The following SLC38A4 variants were observed in gnomAD, a reference collection of about 807,000 sequenced individuals.
SLC38A4 encodes the protein solute carrier family 38 member 4, also known as sodium-coupled neutral amino acid transporter 4.
SLC38A4 carries 20 observed loss-of-function variants against 63.1 expected under a neutral mutation model. That is an observed-to-expected ratio of 0.32 (90% CI 0.22 to 0.46). SLC38A4 has a LOEUF of 0.46. Ranked by LOEUF, SLC38A4 falls within the 20% of genes least tolerant of loss-of-function variation. The pLI, the probability that SLC38A4 is intolerant of heterozygous loss-of-function variation, is 1.00. For synonymous variants in SLC38A4, 230 were observed against 225.5 expected, an observed-to-expected ratio of 1.02 and a Z score of -0.18; for missense variants, 526 against 663.6, an observed-to-expected ratio of 0.79 and a Z score of 2.28.
chr12:46,821,257 T>C (rs1161649612), intron 1 of SLC38A4, among the ~76,000 whole-genome samples: 2 of 152,134 alleles, frequency 1.3e-5, no homozygotes, highest in African/African-American at 4.8e-5. Flanking sequence ...AAAAAGTTTT[T>C]CCCTATGTTT....
intron 1 of SLC38A4, among the ~76,000 whole-genome samples, chr12:46,823,153 C>T (rs966984385): frequency 2.0e-5 from 3 of 152,144 alleles, no homozygotes; most frequent in Admixed American, 2.0e-4. Flanking sequence ...TCACACCTTC[C>T]TAATGACTGT....
chr12:46,773,113 C>T (rs1258236400), intron 14 of SLC38A4, among the ~76,000 whole-genome samples: 1 of 152,120 alleles, frequency 6.6e-6, no homozygotes, highest in East Asian at 1.9e-4. Context: ...CTGTCACCTT[C>T]TCTGTGTATC....
chr12:46,779,900 A>G lies in SLC38A4; in HGVS notation c.576-38T>C, dbSNP rs759947515. The G allele has an allele frequency of 8.7e-6, 14 of 1,610,110 alleles. No homozygotes were observed. In the Admixed American group the frequency reaches 2.2e-4, roughly 25 times the overall value. Reference sequence around the variant, plus strand: ...GACAAGGATATTAGAATCAGAAAAGACCAAGTAGAATGAGTCACTTGATGT... The same window carrying G: ...GACAAGGATATTAGAATCAGAAAAGGCCAAGTAGAATGAGTCACTTGATGT... On this transcript the variant is annotated intron_variant, in intron 8 of 16. Coordinates refer to ENST00000266579, the MANE Select transcript of SLC38A4 (RefSeq NM_018018.5).
At chr12:46,802,032 C>T (rs1939141448) in intron 2 of SLC38A4, among the ~76,000 whole-genome samples, 1 of 151,984 alleles carries the variant, frequency 6.6e-6, no homozygotes. Context: ...TAACCAAATA[C>T]TAAGGTCTTT....
At chr12:46,797,623 TC>T (rs1322175757) in intron 2 of SLC38A4, among the ~76,000 whole-genome samples, 1 of 152,152 alleles carries the variant, frequency 6.6e-6, no homozygotes, top group East Asian at 1.9e-4. Flanking sequence ...ATAAATGTCA[TC>T]TTATATCTAT....
intron 12 of SLC38A4, among the ~76,000 whole-genome samples, chr12:46,777,907 A>G (rs1230895393): frequency 2.0e-5 from 3 of 152,048 alleles, no homozygotes; most frequent in Admixed American, 6.6e-5. Context: ...TCACTGGCTT[A>G]TCGAGGCTGC....
chr12:46,783,588 C>A (rs1348727584), intron 7 of SLC38A4, among the ~76,000 whole-genome samples: 1 of 151,844 alleles, frequency 6.6e-6, no homozygotes. Context: ...AGGAGAGGTT[C>A]AAGAGATAAG....
chr12:46,776,310 G>T (rs1282496149), intron 13 of SLC38A4, among the ~76,000 whole-genome samples: 1 of 152,120 alleles, frequency 6.6e-6, no homozygotes, highest in East Asian at 1.9e-4. Context: ...AATGTTGCAG[G>T]CATAATCTAA....
chr12:46,787,755 C>T (rs958053532), intron 5 of SLC38A4, among the ~76,000 whole-genome samples, 161 bp downstream of exon 5: 10 of 152,208 alleles, frequency 6.6e-5, no homozygotes, highest in African/African-American at 2.4e-4. Flanking sequence ...AGCACATACA[C>T]TTTCTGCCGT....
intron 1 of SLC38A4, among the ~76,000 whole-genome samples, chr12:46,818,700 T>C (rs1244687105): frequency 6.6e-6 from 1 of 151,902 alleles, no homozygotes; most frequent in Non-Finnish European, 1.5e-5. Context: ...AGATACATAA[T>C]TGCATAATAA....
chr12:46,777,759 T>C (rs926227511), intron 12 of SLC38A4, among the ~76,000 whole-genome samples: 17 of 152,114 alleles, frequency 1.1e-4, no homozygotes, highest in African/African-American at 3.4e-4. Context: ...AAATGAACCA[T>C]AGACCATCAG....
rs143048049 is a variant in SLC38A4, at chr12:46,787,206, G to A, written c.326+710C>T. On this transcript the variant is annotated intron_variant, in intron 5 of 16. Transcript: ENST00000266579. ...TTGCCTGTACCAGGCACTGCTCTAG[G>A]TTTGGAGGTAGAGACATTGGTGAGT... Among the ~76,000 whole-genome samples, 22 of 152,314 alleles carry A rather than the reference G, an allele frequency of 1.4e-4. No individual in the cohort carries two copies. In the East Asian group the frequency reaches 3.7e-3, roughly 25 times the overall value.
At chr12:46,819,447 G>A (rs1016151094) in intron 1 of SLC38A4, among the ~76,000 whole-genome samples, 4 of 151,734 alleles carry the variant, frequency 2.6e-5, no homozygotes, top group Admixed American at 1.3e-4. Flanking sequence ...ATATCATTCT[G>A]TACCAATTAT....
chr12:46,788,822 G>A (rs571660617), intron 3 of SLC38A4, among the ~76,000 whole-genome samples: 1 of 152,068 alleles, frequency 6.6e-6, no homozygotes, highest in African/African-American at 2.4e-5. Flanking sequence ...GATGGAAGAA[G>A]GATGTTATAA....
At chr12:46,797,655 C>A (rs1939043419) in intron 2 of SLC38A4, among the ~76,000 whole-genome samples, 1 of 152,140 alleles carries the variant, frequency 6.6e-6, no homozygotes, top group Non-Finnish European at 1.5e-5. Flanking sequence ...ACCTGTCTGT[C>A]TATTTATCTC....
chr12:46,799,480 T>C (rs1285404655), intron 2 of SLC38A4, among the ~76,000 whole-genome samples: 3 of 152,070 alleles, frequency 2.0e-5, no homozygotes, highest in Non-Finnish European at 4.4e-5. Context: ...CGCATGCCTG[T>C]AGTCCCAGTT....
intron 2 of SLC38A4, among the ~76,000 whole-genome samples, chr12:46,801,616 G>A (rs368294572): frequency 6.6e-6 from 1 of 152,052 alleles, no homozygotes; most frequent in Admixed American, 6.6e-5. Context: ...CCCTTTGGTT[G>A]AGCAAGGGTC....
At chr12:46,771,491 G>C (rs1306467278) in intron 14 of SLC38A4, among the ~76,000 whole-genome samples, 1 of 151,988 alleles carries the variant, frequency 6.6e-6, no homozygotes, top group Non-Finnish European at 1.5e-5. Flanking sequence ...CTGGCTCCCA[G>C]AAAGATTAAC....
upstream of SLC38A4, among the ~76,000 whole-genome samples, chr12:46,829,552 T>A (rs1253813980): frequency 3.3e-5 from 5 of 152,198 alleles, no homozygotes; most frequent in Non-Finnish European, 7.3e-5. Flanking sequence ...CACAAGCTGT[T>A]AAGTGTACTG....
Sources: gnomAD v4.1 joint callset for allele counts (sites outside exome capture counted in the v4.1 genomes callset) on GRCh38, gnomAD v4.1.1 for gene constraint, MANE v1.5 for transcripts, NCBI Gene and HGNC (gene_info 2026-07-23, HGNC 2026-07-21) for gene names.